CSMD1: variants seen among roughly 807,000 people sequenced by gnomAD.
CSMD1 encodes the protein CUB and Sushi multiple domains 1.
A neutral mutation model predicts 417.5 loss-of-function variants in CSMD1; 213 were observed. The observed-to-expected ratio is 0.51, with a 90% confidence interval of 0.46 to 0.57. The LOEUF (loss-of-function observed/expected upper bound fraction) is 0.57, where lower values mean the gene tolerates loss of function less well. CSMD1 is among the 20% of genes least tolerant of loss of function. The pLI is 0.00. For synonymous variants in CSMD1, 2,862 were observed against 1,736.8 expected (o/e 1.65, Z -16.11); for missense variants, 6,923 against 4,529.7 (o/e 1.53, Z -15.17).
chr8:3,208,159 C>G (rs1287394903), intron 30 of CSMD1, among the ~76,000 whole-genome samples: 1 of 152,160 alleles, frequency 6.6e-6, no homozygotes, highest in Non-Finnish European at 1.5e-5. Flanking sequence ...TGCAAATGAT[C>G]TTTTTCCATA....
intron 3 of CSMD1, among the ~76,000 whole-genome samples, chr8:4,197,323 C>T (rs757365641): frequency 2.0e-5 from 3 of 152,174 alleles, no homozygotes; most frequent in Non-Finnish European, 4.4e-5. Flanking sequence ...AACAACCTGA[C>T]TTGGCCATAG....
chr8:4,127,453 GAAAAAAAAAA>G lies in CSMD1; in HGVS notation c.416-95364_416-95355del, dbSNP rs199764792. The stretch of plus-strand genomic sequence containing the variant: ...AGGACACAGTTTTCCAAGCATTAAT[GAAAAAAAAAA>G]AAAAAAAAAAAAAAAAGAAAATCAT... On this transcript the variant is annotated intron_variant, in intron 3 of 69. Coordinates refer to ENST00000635120, the MANE Select transcript of CSMD1 (RefSeq NM_033225.6). Among the ~76,000 whole-genome samples the G allele has an allele frequency of 4.9e-4, 50 of 102,748 alleles. 1 individual carries two copies. Among genetic ancestry groups the G allele is most frequent in the East Asian group, 1.3e-3 (4 of 3,176 alleles). The allele number at this position is 102,748 out of a possible 152,430, so 67.4% of individuals were successfully genotyped here. A position where few individuals can be genotyped will look rare whatever the true frequency, so the allele number is the denominator to read the frequency against.
intron 18 of CSMD1, chr8:3,373,832 G>C (rs1045479627): frequency 6.6e-6 from 1 of 152,134 alleles, no homozygotes; most frequent in Non-Finnish European, 1.5e-5. Flanking sequence ...AAGGATGCAG[G>C]TATGTTACAT....
chr8:3,533,906 C>A (rs768309966), intron 10 of CSMD1, among the ~76,000 whole-genome samples: 1 of 152,162 alleles, frequency 6.6e-6, no homozygotes, highest in Non-Finnish European at 1.5e-5. Flanking sequence ...TCGTCATTCA[C>A]CAAGAATCCC....
At chr8:3,092,880 T>C (rs373518663) in intron 47 of CSMD1, among the ~76,000 whole-genome samples, 10 of 149,664 alleles carry the variant, frequency 6.7e-5, no homozygotes, top group East Asian at 2.0e-4. Flanking sequence ...GAACACATTA[T>C]GGACTGGGAG....
At chr8:3,859,760 C>G (rs150626980) in intron 5 of CSMD1, among the ~76,000 whole-genome samples, 2 of 152,166 alleles carry the variant, frequency 1.3e-5, no homozygotes, top group Non-Finnish European at 2.9e-5. Flanking sequence ...GCTGACAATC[C>G]TGAATACTGC....
At chr8:4,356,724 G>C (rs1032461892) in intron 3 of CSMD1, among the ~76,000 whole-genome samples, 2 of 152,020 alleles carry the variant, frequency 1.3e-5, no homozygotes, top group Admixed American at 1.3e-4. Context: ...CAATGGAGAG[G>C]TACAGTGAGG....
chr8:4,714,138 C>G (rs1049081740), intron 1 of CSMD1, among the ~76,000 whole-genome samples: 2 of 151,886 alleles, frequency 1.3e-5, no homozygotes, highest in Admixed American at 6.6e-5. Context: ...GAACGCGACT[C>G]TGTCTCAAAA....
At chr8:4,070,227 G>A (rs1397061844) in intron 3 of CSMD1, among the ~76,000 whole-genome samples, 1 of 151,558 alleles carries the variant, frequency 6.6e-6, no homozygotes, top group South Asian at 2.1e-4. Context: ...TTTCTTTTTG[G>A]TATGCTTATC....
chr8:3,168,631 T>TCACACACACACACA lies in CSMD1; in HGVS notation c.5726-6368_5726-6355dup, dbSNP rs59927132. On this transcript the variant is annotated intron_variant, in intron 37 of 69. Coordinates refer to ENST00000635120, the MANE Select transcript of CSMD1 (RefSeq NM_033225.6). The stretch of plus-strand genomic sequence containing the variant: ...TGTGTAAGGAGTCAGTAAGTCTTCA[T>TCACACACACACACA]CACACACACACACACACACACAAAT... Among the ~76,000 whole-genome samples, 815 of 148,900 alleles carry TCACACACACACACA rather than the reference T, an allele frequency of 5.5e-3. 8 individuals carry two copies. Among genetic ancestry groups the TCACACACACACACA allele is most frequent in the East Asian group, 0.015 (76 of 4,992 alleles).
intron 3 of CSMD1, among the ~76,000 whole-genome samples, chr8:4,087,771 T>A (rs1800496694): frequency 1.3e-5 from 2 of 152,192 alleles, no homozygotes; most frequent in South Asian, 2.1e-4. Flanking sequence ...CTTTCTATAT[T>A]TTCTCTTTTA....
At chr8:4,601,442 T>A (rs1398368232) in intron 2 of CSMD1, among the ~76,000 whole-genome samples, 2 of 152,186 alleles carry the variant, frequency 1.3e-5, no homozygotes, top group Non-Finnish European at 2.9e-5. Context: ...TCTACAGGGA[T>A]CATCTCATCT....
intron 5 of CSMD1, among the ~76,000 whole-genome samples, chr8:3,894,849 C>G (rs1169464951): frequency 1.3e-5 from 2 of 152,244 alleles, no homozygotes; most frequent in South Asian, 2.1e-4. Flanking sequence ...TGGCTCTATT[C>G]TAAAGGAACA....
intron 26 of CSMD1, among the ~76,000 whole-genome samples, chr8:3,238,747 C>G (rs1365174411): frequency 6.6e-6 from 1 of 152,134 alleles, no homozygotes; most frequent in African/African-American, 2.4e-5. Flanking sequence ...CCCAGGACAT[C>G]TAATTAGAGA....
chr8:3,184,486 G>C (rs1047018597), intron 36 of CSMD1, among the ~76,000 whole-genome samples: 1 of 152,120 alleles, frequency 6.6e-6, no homozygotes, highest in African/African-American at 2.4e-5. Flanking sequence ...CTTCAGTTCT[G>C]CTCTTATCAC....
At chr8:3,855,284 T>G (rs1317992423) in intron 5 of CSMD1, among the ~76,000 whole-genome samples, 1 of 152,206 alleles carries the variant, frequency 6.6e-6, no homozygotes, top group East Asian at 1.9e-4. Flanking sequence ...AAATCTGTCT[T>G]TGCAATTTAA....
At chr8:3,097,128 G>T in intron 46 of CSMD1, 91 bp from the exon 47 acceptor site, 2 of 1,086,186 alleles carry the variant, frequency 1.8e-6, no homozygotes, top group Non-Finnish European at 2.5e-6. Context: ...ACAAGTCAAT[G>T]AAAGGAAAAA....
intron 1 of CSMD1, among the ~76,000 whole-genome samples, chr8:4,847,561 A>T (rs1319035965): frequency 6.6e-6 from 1 of 152,186 alleles, no homozygotes; most frequent in Admixed American, 6.5e-5. Flanking sequence ...ATTTTATTAA[A>T]GAGTCCATAC....
chr8:3,917,950 G>A (rs761276024), intron 5 of CSMD1, among the ~76,000 whole-genome samples: 9 of 152,030 alleles, frequency 5.9e-5, no homozygotes, highest in African/African-American at 1.9e-4. Flanking sequence ...AATTTTAAAT[G>A]TTTAAAATTT....
Sources: gnomAD v4.1 joint callset for allele counts (sites outside exome capture counted in the v4.1 genomes callset) on GRCh38, gnomAD v4.1.1 for gene constraint, MANE v1.5 for transcripts, NCBI Gene and HGNC (gene_info 2026-07-23, HGNC 2026-07-21) for gene names.